The following FUT8 variants were observed in gnomAD, a reference collection of about 807,000 sequenced individuals.
FUT8 encodes the protein alpha-(1,6)-fucosyltransferase.
FUT8 carries 29 observed loss-of-function variants against 71.3 expected under a neutral mutation model. The ratio of observed to expected loss-of-function variants is 0.41; its 90% CI spans 0.30 to 0.55. The LOEUF (loss-of-function observed/expected upper bound fraction) is 0.55. FUT8 is among the 20% of genes least tolerant of loss of function. The pLI is 0.34. For missense variants in FUT8, 544 were observed against 702.1 expected (o/e 0.77, Z 2.55); for synonymous variants, 254 against 239.3 (o/e 1.06, Z -0.57).
intron 2 of FUT8, chr14:65,529,249 GAC>G (rs1423295990): frequency 6.9e-6 from 1 of 144,948 alleles, no homozygotes; most frequent in East Asian, 2.0e-4. Context: ...CTTTTTTTTT[GAC>G]ACAGAGTTTC....
intron 6 of FUT8, among the ~76,000 whole-genome samples, chr14:65,656,877 C>T (rs745419733): frequency 2.2e-4 from 34 of 152,074 alleles, no homozygotes; most frequent in Non-Finnish European, 3.2e-4. Context: ...TCATTTTCAA[C>T]GAAAGTCACA....
chr14:65,737,971 G>C (rs17779403), intron 10 of FUT8, among the ~76,000 whole-genome samples: 1 of 152,076 alleles, frequency 6.6e-6, no homozygotes, highest in African/African-American at 2.4e-5. Flanking sequence ...TTTCCATTGA[G>C]ATGTGGCTCA....
At chr14:65,625,967 T>C in intron 5 of FUT8, among the ~76,000 whole-genome samples, 1 of 152,168 alleles carries the variant, frequency 6.6e-6, no homozygotes, top group East Asian at 1.9e-4. Context: ...ACTAAGACTG[T>C]GTCACAAGCA....
chr14:65,426,448 A>T (rs1173792745), intron 1 of FUT8, among the ~76,000 whole-genome samples: 1 of 152,116 alleles, frequency 6.6e-6, no homozygotes, highest in Non-Finnish European at 1.5e-5. Context: ...AAGGAAACAG[A>T]CCCAAAGATA....
chr14:65,620,352 C>T (rs1889539722), intron 5 of FUT8, among the ~76,000 whole-genome samples: 1 of 152,130 alleles, frequency 6.6e-6, no homozygotes, highest in East Asian at 1.9e-4. Flanking sequence ...ATATATAGGG[C>T]AGCTGTGCTT....
chr14:65,620,401 T>C lies in FUT8; in HGVS notation c.482+4028T>C, dbSNP rs117805201. Among the ~76,000 whole-genome samples the C allele has an allele frequency of 4.7e-3, 710 of 152,320 alleles. 3 individuals are homozygous for C. Among genetic ancestry groups the C allele is most frequent in the Non-Finnish European group, 6.8e-3 (460 of 68,034 alleles). ...TTCTCCAAATAGTGAATGATACTTA[T>C]GTTAATTATGCTGATTTGCTAATGT... On this transcript the variant is annotated intron_variant, in intron 5 of 10. Coordinates refer to ENST00000673929, the MANE Select transcript of FUT8 (RefSeq NM_001371533.1).
intron 9 of FUT8, among the ~76,000 whole-genome samples, chr14:65,729,037 T>G (rs1594944269): frequency 8.3e-5 from 4 of 48,370 alleles, no homozygotes; most frequent in Admixed American, 7.5e-4. Context: ...TAAACATGTT[T>G]TTTTTTTTTT....
At chr14:65,557,336 C>CT (rs561664750) in intron 2 of FUT8, among the ~76,000 whole-genome samples, 19,112 of 142,678 alleles carry the variant, frequency 0.13, 1,607 homozygotes, top group Middle Eastern at 0.21. Flanking sequence ...TCTCTCTCCC[C>CT]TTTTTTTTTT....
intron 6 of FUT8, among the ~76,000 whole-genome samples, chr14:65,633,730 G>A (rs926939535): frequency 6.6e-6 from 1 of 151,514 alleles, no homozygotes; most frequent in Non-Finnish European, 1.5e-5. Flanking sequence ...GAAGTGAGGA[G>A]ACCCTCTGCC....
At chr14:65,692,225 G>C (rs576884992) in intron 7 of FUT8, among the ~76,000 whole-genome samples, 1 of 150,584 alleles carries the variant, frequency 6.6e-6, no homozygotes, top group African/African-American at 2.4e-5. Context: ...CTGGCCAGGC[G>C]GGGGGCTGAC....
At chr14:65,692,566 C>T (rs1326363852) in intron 7 of FUT8, among the ~76,000 whole-genome samples, 80 of 142,576 alleles carry the variant, frequency 5.6e-4, no homozygotes, top group African/African-American at 1.3e-3. Flanking sequence ...GCTGACCCCC[C>T]GCACCTCCCT....
At chr14:65,466,527 A>G (rs865813270) in intron 2 of FUT8, among the ~76,000 whole-genome samples, 1 of 152,224 alleles carries the variant, frequency 6.6e-6, no homozygotes, top group African/African-American at 2.4e-5. Flanking sequence ...AGGCGGGTGG[A>G]TCACCTGAGG....
At chr14:65,416,297 G>C (rs2065217970) in intron 1 of FUT8, among the ~76,000 whole-genome samples, 2 of 150,410 alleles carry the variant, frequency 1.3e-5, no homozygotes, top group Admixed American at 6.6e-5. Context: ...GAAACTAAAA[G>C]TATTACTATT....
Position 65,489,055 on chromosome 14 carries a change from A to G in FUT8, c.-228+33337A>G, listed in dbSNP as rs2066447901. On this transcript the variant is annotated intron_variant, in intron 2 of 10. Coordinates refer to ENST00000673929, the MANE Select transcript of FUT8 (RefSeq NM_001371533.1). This position sits in a 1 kb window ranked among gnomAD's most constrained non-coding sequence, Gnocchi z 4.0. ...CATGGTAAATGTGTCAGATATAGTC[A>G]ATATTTTAGTATTGTCATGTAGTAT... Among the ~76,000 whole-genome samples, 1 of 152,184 alleles carries G rather than the reference A, an allele frequency of 6.6e-6. No individual in the cohort carries two copies. The highest frequency in any genetic ancestry group is 1.5e-5 in the Non-Finnish European group (1 of 68,032).
At chr14:65,719,585 T>G (rs1166585565) in intron 7 of FUT8, among the ~76,000 whole-genome samples, 1 of 152,172 alleles carries the variant, frequency 6.6e-6, no homozygotes, top group Non-Finnish European at 1.5e-5. Context: ...TTTGTACCTG[T>G]CTTAGAAAGG....
At chr14:65,420,687 C>T (rs1483888499) in intron 1 of FUT8, among the ~76,000 whole-genome samples, 3 of 151,926 alleles carry the variant, frequency 2.0e-5, no homozygotes, top group Admixed American at 6.6e-5. Flanking sequence ...CTTTTCAGCA[C>T]GTATAGTTCA....
At position 65,669,911 on chromosome 14, in the gene FUT8, T is replaced by G. The variant is rs1892396329; in HGVS notation, c.835+431T>G. Among the ~76,000 whole-genome samples, 1 of 152,136 alleles carries G rather than the reference T, an allele frequency of 6.6e-6. No individual in the cohort carries two copies. The highest frequency in any genetic ancestry group is 2.1e-4 in the South Asian group (1 of 4,832). On this transcript the variant is annotated intron_variant, in intron 7 of 10. Coordinates refer to ENST00000673929, the MANE Select transcript of FUT8 (RefSeq NM_001371533.1). The surrounding 1 kb of genome is among the most constrained non-coding windows in gnomAD (Gnocchi z 4.5). ...AGGTTTCATAAAACTCCATTTTCTG[T>G]TAAGGAAGGTCTAGGCTGCAGCCTG...
intron 2 of FUT8, among the ~76,000 whole-genome samples, chr14:65,482,095 C>G (rs2066339823): frequency 6.6e-6 from 1 of 152,052 alleles, no homozygotes. Flanking sequence ...TAGAAGTTCT[C>G]TCCTGGAAGT....
intron 2 of FUT8, among the ~76,000 whole-genome samples, chr14:65,537,028 A>G (rs1566809710): frequency 6.9e-6 from 1 of 145,060 alleles, no homozygotes; most frequent in Non-Finnish European, 1.5e-5. Flanking sequence ...AAGTTCTATG[A>G]TTTTTTTTCC....
Sources: gnomAD v4.1 joint callset for allele counts (sites outside exome capture counted in the v4.1 genomes callset) on GRCh38, gnomAD v4.1.1 for gene constraint, Gnocchi (gnomAD v3.1) non-coding constraint, MANE v1.5 for transcripts, NCBI Gene and HGNC (gene_info 2026-07-23, HGNC 2026-07-21) for gene names.